Variants in PRSS3 observed in about 807,000 individuals in gnomAD.
The protein encoded by PRSS3 is serine protease 3, also known as trypsin-3.
A neutral mutation model predicts 20.8 loss-of-function variants in PRSS3; 14 were observed. The ratio of observed to expected loss-of-function variants is 0.67; its 90% confidence interval spans 0.44 to 1.05. PRSS3 has a LOEUF of 1.05. PRSS3 is among the 50% of genes least tolerant of loss of function. The probability of loss-of-function intolerance (pLI) is 0.00; values close to 1 mark genes in which losing one functional copy is unlikely to be tolerated. For synonymous variants in PRSS3, 91 were observed against 117.6 expected (o/e 0.77, Z 1.46); for missense variants, 237 against 306.4 (o/e 0.77, Z 1.69).
chr9:33,774,268 A>G (rs1823826382), intron 1 of PRSS3, among the ~76,000 whole-genome samples: 3 of 152,218 alleles, frequency 2.0e-5, no homozygotes, highest in Admixed American at 6.5e-5. Context: ...AATCTAATGA[A>G]CTAATCCATT....
intron 1 of PRSS3, among the ~76,000 whole-genome samples, chr9:33,755,673 C>T (rs1199835343): frequency 6.6e-6 from 1 of 152,182 alleles, no homozygotes; most frequent in Non-Finnish European, 1.5e-5. Flanking sequence ...CAGTCTTTCC[C>T]CCCACCCCAT....
intron 1 of PRSS3, among the ~76,000 whole-genome samples, chr9:33,789,220 T>C (rs1160015323): frequency 1.3e-5 from 2 of 152,222 alleles, no homozygotes; most frequent in Non-Finnish European, 2.9e-5. Flanking sequence ...TGATGTCAAT[T>C]CATCTTTCAG....
chr9:33,772,572 T>C (rs1265661879), intron 1 of PRSS3, among the ~76,000 whole-genome samples: 1 of 152,250 alleles, frequency 6.6e-6, no homozygotes, highest in Non-Finnish European at 1.5e-5. Context: ...TTTAATTTTT[T>C]TGTGAGACGG....
intron 1 of PRSS3, among the ~76,000 whole-genome samples, chr9:33,756,237 T>G (rs1464409193): frequency 6.6e-6 from 1 of 152,210 alleles, no homozygotes; most frequent in East Asian, 1.9e-4. Context: ...TTTATTCTAT[T>G]TTCTTATGGT....
At chr9:33,792,384 G>A (rs895659782), upstream of PRSS3, among the ~76,000 whole-genome samples, 1 of 152,180 alleles carries the variant, frequency 6.6e-6, no homozygotes, top group Admixed American at 6.5e-5. Context: ...CTACTATGAG[G>A]TCTGAAAGAC....
At chr9:33,757,003 T>C (rs1292082370) in intron 1 of PRSS3, among the ~76,000 whole-genome samples, 1 of 152,256 alleles carries the variant, frequency 6.6e-6, no homozygotes, top group African/African-American at 2.4e-5. Flanking sequence ...GCTTATCGCC[T>C]GTCTCTAGTG....
intron 1 of PRSS3, among the ~76,000 whole-genome samples, chr9:33,762,850 A>G (rs74599277): frequency 0.014 from 2,087 of 152,302 alleles, 56 homozygotes; most frequent in African/African-American, 0.047. Context: ...TCTCTCCCCT[A>G]TTATTGCGGG....
chr9:33,776,905 CAA>C (rs1159330176), intron 1 of PRSS3, among the ~76,000 whole-genome samples: 1 of 151,976 alleles, frequency 6.6e-6, no homozygotes, highest in Non-Finnish European at 1.5e-5. Context: ...TGGATAAAAA[CAA>C]TATTTTTTAA....
chr9:33,782,614 GT>G (rs1375411517), intron 1 of PRSS3, among the ~76,000 whole-genome samples: 2 of 152,114 alleles, frequency 1.3e-5, no homozygotes, highest in African/African-American at 4.8e-5. Context: ...TCAAAGGAAT[GT>G]GGTACTGGCA....
chr9:33,798,860 C>T, intron 4 of PRSS3, 168 bp from the exon 5 acceptor site: 2 of 1,081,312 alleles, frequency 1.8e-6, no homozygotes, highest in Admixed American at 2.2e-5. Context: ...AGGGAGGCTC[C>T]CTTGTGCTGC....
chr9:33,766,986 G>T (rs1426829043), intron 1 of PRSS3, among the ~76,000 whole-genome samples: 2 of 150,576 alleles, frequency 1.3e-5, no homozygotes, highest in African/African-American at 4.9e-5. Context: ...AAGTAGAAGA[G>T]TAATGGCAAT....
chr9:33,756,919 G>A (rs925170843), intron 1 of PRSS3, among the ~76,000 whole-genome samples: 7 of 152,174 alleles, frequency 4.6e-5, no homozygotes, highest in Non-Finnish European at 8.8e-5. Flanking sequence ...GATGCTGTGC[G>A]TCATCTGTGA....
intron 1 of PRSS3, among the ~76,000 whole-genome samples, chr9:33,756,828 A>G (rs1822972332): frequency 6.6e-6 from 1 of 152,092 alleles, no homozygotes; most frequent in Non-Finnish European, 1.5e-5. Flanking sequence ...GCTACCTACA[A>G]TGTCTGTGTC....
At chr9:33,794,647 A>G (rs1286000104), upstream of PRSS3, 3 of 1,392,280 alleles carry the variant, frequency 2.2e-6, no homozygotes, top group Admixed American at 8.9e-5. Flanking sequence ...ACCCAGATTT[A>G]CCATGGTCCA....
intron 1 of PRSS3, among the ~76,000 whole-genome samples, chr9:33,773,749 T>G (rs1220056694): frequency 1.3e-5 from 2 of 152,096 alleles, no homozygotes; most frequent in Admixed American, 6.5e-5. Context: ...GCTCAAGCAA[T>G]CCTCCCATCT....
intron 1 of PRSS3, among the ~76,000 whole-genome samples, chr9:33,758,773 CA>C (rs959602482): frequency 1.3e-5 from 2 of 152,136 alleles, no homozygotes; most frequent in Non-Finnish European, 2.9e-5. Context: ...ACAATTTTAC[CA>C]ATGGCTAGAT....
At chr9:33,791,565 T>C (rs1425577292), upstream of PRSS3, among the ~76,000 whole-genome samples, 18 of 152,310 alleles carry the variant, frequency 1.2e-4, no homozygotes, top group Non-Finnish European at 1.9e-4. Context: ...ACTCTGAGTA[T>C]CATGAAACAG....
chr9:33,763,474 C>T (rs1451369469), intron 1 of PRSS3, among the ~76,000 whole-genome samples: 6 of 151,768 alleles, frequency 4.0e-5, no homozygotes, highest in Middle Eastern at 3.2e-3. Context: ...CCGAGGCAGG[C>T]GGATCACGAG....
At chr9:33,780,416 C>T (rs1411288409) in intron 1 of PRSS3, among the ~76,000 whole-genome samples, 1 of 152,116 alleles carries the variant, frequency 6.6e-6, no homozygotes, top group Non-Finnish European at 1.5e-5. Context: ...TAAGGGAGTG[C>T]TAAATATGGA....
Sources: allele counts gnomAD v4.1 joint callset (sites outside exome capture counted in the v4.1 genomes callset), GRCh38; gene constraint gnomAD v4.1.1; transcripts MANE v1.5; gene names NCBI Gene and HGNC (gene_info 2026-07-23, HGNC 2026-07-21).